The following STK33 variants were observed in gnomAD, a reference collection of about 807,000 sequenced individuals.
STK33 encodes the protein serine/threonine kinase 33, also known as serine/threonine-protein kinase 33.
A neutral mutation model predicts 58.0 loss-of-function variants in STK33; 52 were observed. The ratio of observed to expected loss-of-function variants is 0.90; its 90% CI spans 0.72 to 1.13. The LOEUF is 1.13. Among genes scored for constraint, STK33 ranks in the 50% most tolerant of loss-of-function variants. STK33 has a pLI of 0.00. For synonymous variants in STK33, 215 were observed against 200.1 expected (o/e 1.07, Z -0.63); for missense variants, 630 against 604.2 (o/e 1.04, Z -0.45).
At chr11:8,527,064 G>A (rs776996136) in intron 1 of STK33, among the ~76,000 whole-genome samples, 44 of 151,044 alleles carry the variant, frequency 2.9e-4, no homozygotes, top group Middle Eastern at 6.8e-3. Flanking sequence ...CTCCGCCTCC[G>A]GGGTTCATGC....
At chr11:8,434,013 A>T (rs755168004) in intron 14 of STK33, 1 of 153,088 alleles carries the variant, frequency 6.5e-6, no homozygotes, top group Non-Finnish European at 1.5e-5. Context: ...TGATGAGGCC[A>T]AGAGATCGAG....
chr11:8,385,928 C>G, the STK33 span, among the ~76,000 whole-genome samples: 37,815 of 151,862 alleles, frequency 0.25, 4,839 homozygotes, highest in South Asian at 0.36. Context: ...GCACCCGCCA[C>G]CACGCCCGGC....
intron 1 of STK33, among the ~76,000 whole-genome samples, chr11:8,512,623 A>AT (rs201690667): frequency 0.053 from 8,082 of 152,208 alleles, 288 homozygotes; most frequent in Non-Finnish European, 0.071. Context: ...TTAAGCTTAT[A>AT]TTTTTTATTT....
intron 2 of STK33, among the ~76,000 whole-genome samples, chr11:8,478,349 T>C (rs1281932935): frequency 6.6e-6 from 1 of 152,200 alleles, no homozygotes; most frequent in African/African-American, 2.4e-5. Context: ...TAATGTTTCT[T>C]TGTGTCTCCA....
chr11:8,340,991 T>C, the STK33 span, among the ~76,000 whole-genome samples: 1 of 152,216 alleles, frequency 6.6e-6, no homozygotes, highest in Non-Finnish European at 1.5e-5. Flanking sequence ...CCCCAATAGC[T>C]GGGACTACAG....
chr11:8,345,301 T>C, the STK33 span, among the ~76,000 whole-genome samples: 1 of 152,230 alleles, frequency 6.6e-6, no homozygotes, highest in Non-Finnish European at 1.5e-5. Context: ...GTAAAACCAC[T>C]GTGTCTATAT....
At chr11:8,352,555 A>C in the STK33 span, among the ~76,000 whole-genome samples, 1 of 152,132 alleles carries the variant, frequency 6.6e-6, no homozygotes. Context: ...AGTCCAATAT[A>C]AGAAAAAATT....
chr11:8,509,118 A>G (rs1042389492), intron 1 of STK33, among the ~76,000 whole-genome samples: 2 of 145,788 alleles, frequency 1.4e-5, no homozygotes, highest in African/African-American at 5.2e-5. Context: ...CTCTGTCTCA[A>G]AAAAAAAAAA....
chr11:8,404,141 G>C (rs1938649167), intron 15 of STK33, among the ~76,000 whole-genome samples: 1 of 152,198 alleles, frequency 6.6e-6, no homozygotes, highest in Non-Finnish European at 1.5e-5. Context: ...GGAAAGAAAA[G>C]CTAAGGGAAG....
At chr11:8,406,133 A>C in intron 15 of STK33, among the ~76,000 whole-genome samples, 1 of 121,226 alleles carries the variant, frequency 8.2e-6, no homozygotes, top group Non-Finnish European at 1.6e-5. Flanking sequence ...ACAGAGCGAG[A>C]CTCCGTCTCA....
chr11:8,339,962 G>A, the STK33 span, among the ~76,000 whole-genome samples: 1 of 152,244 alleles, frequency 6.6e-6, no homozygotes, highest in Admixed American at 6.5e-5. Flanking sequence ...TGGTGAGCTT[G>A]TGCAGAACCC....
At chr11:8,387,131 C>T (rs1848555090), downstream of STK33, among the ~76,000 whole-genome samples, 1 of 152,220 alleles carries the variant, frequency 6.6e-6, no homozygotes, top group African/African-American at 2.4e-5. Flanking sequence ...GCTTGAGTCT[C>T]GACCAAATTC....
At chr11:8,475,880 T>G (rs1372650573) in intron 4 of STK33, 1 of 152,220 alleles carries the variant, frequency 6.6e-6, no homozygotes, top group Admixed American at 6.5e-5. Flanking sequence ...GATTCTGTAG[T>G]CATAGATTGA....
chr11:8,397,488 T>G (rs535865370), intron 15 of STK33, among the ~76,000 whole-genome samples: 3 of 151,752 alleles, frequency 2.0e-5, no homozygotes, highest in Non-Finnish European at 4.4e-5. Flanking sequence ...AGACCAAAGG[T>G]AGATAAAACC....
At chr11:8,533,660 C>T (rs1457206330) in intron 1 of STK33, among the ~76,000 whole-genome samples, 1 of 152,138 alleles carries the variant, frequency 6.6e-6, no homozygotes, top group Non-Finnish European at 1.5e-5. Flanking sequence ...GGCAGAAGTT[C>T]ACAACAAAAA....
chr11:8,342,057 G>A, the STK33 span, among the ~76,000 whole-genome samples: 1 of 152,306 alleles, frequency 6.6e-6, no homozygotes, highest in South Asian at 2.1e-4. Context: ...TGGGGAGGCA[G>A]GTATATGACT....
chr11:8,347,435 C>A, the STK33 span, among the ~76,000 whole-genome samples: 1 of 152,356 alleles, frequency 6.6e-6, no homozygotes, highest in African/African-American at 2.4e-5. Flanking sequence ...CAGTGATGGG[C>A]AACAAAGGTT....
At chr11:8,432,156 A>G (rs1943500002) in intron 14 of STK33, among the ~76,000 whole-genome samples, 1 of 152,214 alleles carries the variant, frequency 6.6e-6, no homozygotes, top group Admixed American at 6.5e-5. Context: ...TTAAAGCTCA[A>G]ACTACATTAT....
intron 1 of STK33, among the ~76,000 whole-genome samples, chr11:8,511,928 T>C (rs1952361220): frequency 6.6e-6 from 1 of 152,100 alleles, no homozygotes; most frequent in Admixed American, 6.6e-5. Context: ...TTTTAAAGTA[T>C]TGCCCTTAAT....
Sources: gnomAD v4.1 joint callset for allele counts (sites outside exome capture counted in the v4.1 genomes callset) on GRCh38, gnomAD v4.1.1 for gene constraint, MANE v1.5 for transcripts, NCBI Gene and HGNC (gene_info 2026-07-23, HGNC 2026-07-21) for gene names.